ZNF143: variants seen among roughly 807,000 people sequenced by gnomAD.
The protein encoded by ZNF143 is zinc finger protein 143.
Under a neutral mutation model 74.1 loss-of-function variants are expected in ZNF143, and 49 were observed. The observed-to-expected ratio is 0.66, with a 90% CI of 0.53 to 0.84. The LOEUF (loss-of-function observed/expected upper bound fraction) is 0.84, where lower values mean the gene tolerates loss of function less well. ZNF143 is among the 40% of genes least tolerant of loss of function. The pLI is 0.00. For synonymous variants in ZNF143, 304 were observed against 282.8 expected, an observed-to-expected ratio of 1.07 and a Z score of -0.75; for missense variants, 637 against 793.4, an observed-to-expected ratio of 0.80 and a Z score of 2.37.
intron 11 of ZNF143, among the ~76,000 whole-genome samples, chr11:9,506,778 C>G (rs1468979877): frequency 6.6e-6 from 1 of 152,300 alleles, no homozygotes; most frequent in Non-Finnish European, 1.5e-5. Flanking sequence ...AGTAAAGATT[C>G]AGACCTGTGA....
At chr11:9,496,235 C>A in intron 8 of ZNF143, 68 bp from the exon 9 acceptor site, 1 of 1,409,112 alleles carries the variant, frequency 7.1e-7, no homozygotes, top group Non-Finnish European at 1.0e-6. Context: ...AAAAGTAGTT[C>A]TGTGTTGCAA....
chr11:9,481,957 TA>T (rs1226453651), intron 7 of ZNF143, among the ~76,000 whole-genome samples: 3 of 134,078 alleles, frequency 2.2e-5, no homozygotes, highest in South Asian at 2.4e-4. Context: ...AAAATGTCAT[TA>T]AAAAAACCCA....
chr11:9,486,362 ATTAT>A (rs1847483746), intron 7 of ZNF143, among the ~76,000 whole-genome samples: 2 of 43,486 alleles, frequency 4.6e-5, no homozygotes, highest in Admixed American at 7.7e-4. Flanking sequence ...TTATATATAT[ATTAT>A]ATATAATATA....
intron 14 of ZNF143, among the ~76,000 whole-genome samples, chr11:9,521,585 G>C (rs767264909): frequency 7.3e-5 from 11 of 150,054 alleles, no homozygotes; most frequent in Admixed American, 4.6e-4. Context: ...TTTTTTTGTT[G>C]TTGTTGTTGT....
chr11:9,490,458 A>G (rs528312413), intron 7 of ZNF143, among the ~76,000 whole-genome samples: 1 of 150,534 alleles, frequency 6.6e-6, no homozygotes, highest in South Asian at 2.1e-4. Context: ...TAATTTTTAT[A>G]TTTTTTTTGT....
intron 9 of ZNF143, among the ~76,000 whole-genome samples, chr11:9,496,798 A>G (rs949284101): frequency 5.9e-5 from 9 of 151,554 alleles, no homozygotes; most frequent in Admixed American, 5.9e-4. Context: ...AGGTTTCACT[A>G]TGTTGGCCAG....
chr11:9,475,038 TG>T (rs1856795373), intron 5 of ZNF143, among the ~76,000 whole-genome samples: 1 of 151,736 alleles, frequency 6.6e-6, no homozygotes, highest in South Asian at 2.1e-4. Context: ...AGGTGCATGC[TG>T]CCTCTCCCAG....
At chr11:9,495,988 G>A (rs1431608026) in intron 8 of ZNF143, among the ~76,000 whole-genome samples, 1 of 152,064 alleles carries the variant, frequency 6.6e-6, no homozygotes. Context: ...ACATTGTGTA[G>A]TCTCTCCCAG....
At chr11:9,486,371 A>AAT (rs1554964384) in intron 7 of ZNF143, among the ~76,000 whole-genome samples, 14 of 36,718 alleles carry the variant, frequency 3.8e-4, no homozygotes, top group Non-Finnish European at 6.0e-4. Flanking sequence ...TATTATATAT[A>AAT]ATATATTATA....
intron 3 of ZNF143, among the ~76,000 whole-genome samples, chr11:9,473,572 C>G (rs1417108484): frequency 6.6e-6 from 1 of 152,126 alleles, no homozygotes; most frequent in Admixed American, 6.6e-5. Flanking sequence ...GACAGATGAT[C>G]TCACATACAC....
intron 5 of ZNF143, among the ~76,000 whole-genome samples, chr11:9,476,746 CTTTTTTTTT>C (rs869069237): frequency 3.2e-4 from 11 of 34,856 alleles, no homozygotes; most frequent in Admixed American, 5.5e-4. Flanking sequence ...AGGGAGGAAT[CTTTTTTTTT>C]TTTTTTTTTT....
intron 7 of ZNF143, among the ~76,000 whole-genome samples, chr11:9,490,880 A>G (rs1222778335): frequency 6.6e-6 from 1 of 151,934 alleles, no homozygotes; most frequent in Non-Finnish European, 1.5e-5. Flanking sequence ...CCACAAGTAC[A>G]TACCACCACA....
intron 14 of ZNF143, among the ~76,000 whole-genome samples, chr11:9,524,742 AATGAGTATGAG>A (rs1849063648): frequency 6.6e-6 from 1 of 152,188 alleles, no homozygotes; most frequent in South Asian, 2.1e-4. Flanking sequence ...TAAAATGGGA[AATGAGTATGAG>A]ATGAGATGCT....
At chr11:9,487,296 G>A (rs1847597096) in intron 7 of ZNF143, among the ~76,000 whole-genome samples, 1 of 151,562 alleles carries the variant, frequency 6.6e-6, no homozygotes, top group Non-Finnish European at 1.5e-5. Flanking sequence ...CAGGCAGATA[G>A]GCCCTATGTA....
In ZNF143 at chr11:9,486,443, T is replaced by TATATATA. The variant is rs1565039504; in HGVS notation, c.645+6899_645+6900insATATAAT. 1.0e-2 allele frequency among the ~76,000 whole-genome samples: 452 copies of TATATATA among 45,392 alleles called. 21 individuals are homozygous for TATATATA. The highest frequency in any genetic ancestry group is 0.017 in the Non-Finnish European group (362 of 21,340). The allele number at this position is 45,392 out of a possible 152,430, so 29.8% of individuals were successfully genotyped here. The stretch of plus-strand genomic sequence containing the variant: ...TATTATATATATTATATATATAATA[T>TATATATA]ATTATATATATTATATATATATAAA... On this transcript the variant is annotated intron_variant, in intron 7 of 15. Transcript: ENST00000396602.
chr11:9,509,289 G>C (rs1340465133), intron 12 of ZNF143, among the ~76,000 whole-genome samples: 3 of 152,206 alleles, frequency 2.0e-5, no homozygotes, highest in East Asian at 1.9e-4. Context: ...GCTGGAGAGC[G>C]AGGCAGGGGC....
rs554222723 is a variant in ZNF143, at chr11:9,528,040, G to A, written c.*427G>A. On this transcript the variant is annotated 3_prime_UTR_variant, in exon 16 of 16. Transcript: ENST00000396602. ...CAAAAGCCATTATGGATAATAAAGG[G>A]TGTAAAGCCTTCAGATATTTCCCCA... 1 of 154,436 alleles carries A rather than the reference G, an allele frequency of 6.5e-6. No individual in the cohort carries two copies. The highest frequency in any genetic ancestry group is 2.4e-5 in the African/African-American group (1 of 41,572). The allele number at this position is 154,436 out of a possible 1,614,324, so 9.6% of individuals were successfully genotyped here.
chr11:9,486,399 ATATTATATATATAATATATAT>A (rs1847509934), intron 7 of ZNF143, among the ~76,000 whole-genome samples: 2 of 27,548 alleles, frequency 7.3e-5, no homozygotes, highest in African/African-American at 3.1e-4. Flanking sequence ...TATATATAAT[ATATTATATATATAATATATAT>A]TATATATATT....
At chr11:9,471,935 G>C (rs1360379292) in intron 2 of ZNF143, among the ~76,000 whole-genome samples, 5 of 136,790 alleles carry the variant, frequency 3.7e-5, no homozygotes, top group Non-Finnish European at 7.9e-5. Context: ...CTTTTCTTTT[G>C]TTTTTTTTTT....
Sources: gnomAD v4.1 joint callset for allele counts (sites outside exome capture counted in the v4.1 genomes callset) on GRCh38, gnomAD v4.1.1 for gene constraint, MANE v1.5 for transcripts, NCBI Gene and HGNC (gene_info 2026-07-23, HGNC 2026-07-21) for gene names.